DCLK2: variants seen among roughly 807,000 people sequenced by gnomAD.
The protein encoded by DCLK2 is serine/threonine-protein kinase DCLK2.
DCLK2 carries 31 observed loss-of-function variants against 78.4 expected under a neutral mutation model. The ratio of observed to expected loss-of-function variants is 0.40; its 90% CI spans 0.30 to 0.53. The LOEUF (loss-of-function observed/expected upper bound fraction) is 0.53, where lower values mean the gene tolerates loss of function less well. Among genes scored for constraint, DCLK2 ranks in the 20% least tolerant of loss-of-function variants. The probability of loss-of-function intolerance (pLI) is 0.61; values close to 1 mark genes in which losing one functional copy is unlikely to be tolerated. For synonymous variants in DCLK2, 407 were observed against 374.9 expected (o/e 1.09, Z -0.99); for missense variants, 872 against 973.7 (o/e 0.90, Z 1.39).
At chr4:150,195,293 ATATATTATATAT>A (rs1199797842) in intron 3 of DCLK2, among the ~76,000 whole-genome samples, 100 of 6,002 alleles carry the variant, frequency 0.017, 35 homozygotes, top group Non-Finnish European at 0.038. Context: ...ATATTATATT[ATATATTATATAT>A]TATATTATAT....
intron 2 of DCLK2, among the ~76,000 whole-genome samples, chr4:150,112,033 G>A (rs530296155): frequency 1.5e-4 from 23 of 151,912 alleles, no homozygotes; most frequent in South Asian, 4.2e-4. Flanking sequence ...TAAAAATAGC[G>A]TTGAATTTGT....
At chr4:150,143,345 A>G (rs1046847866) in intron 2 of DCLK2, among the ~76,000 whole-genome samples, 7 of 152,186 alleles carry the variant, frequency 4.6e-5, no homozygotes, top group South Asian at 2.1e-4. Flanking sequence ...CAGTGCTTCA[A>G]TAAACATCTA....
intron 2 of DCLK2, among the ~76,000 whole-genome samples, chr4:150,138,640 T>C (rs1431544768): frequency 6.6e-6 from 1 of 151,980 alleles, no homozygotes; most frequent in Non-Finnish European, 1.5e-5. Context: ...CATTTAAGCC[T>C]CATAACCACC....
intron 1 of DCLK2, among the ~76,000 whole-genome samples, chr4:150,095,952 A>G (rs998324413): frequency 6.6e-5 from 10 of 152,218 alleles, no homozygotes; most frequent in African/African-American, 2.4e-4. Context: ...CCTGCAGGGA[A>G]GTGGTGGGAA....
chr4:150,094,385 G>A (rs901855959), intron 1 of DCLK2, among the ~76,000 whole-genome samples: 2 of 152,192 alleles, frequency 1.3e-5, no homozygotes, highest in African/African-American at 4.8e-5. Flanking sequence ...AAAAGAGTAT[G>A]TAAATACATA....
chr4:150,101,955 G>A (rs1374382186), intron 1 of DCLK2, among the ~76,000 whole-genome samples: 1 of 152,140 alleles, frequency 6.6e-6, no homozygotes, highest in East Asian at 1.9e-4. Flanking sequence ...AAGTGACCTT[G>A]TACCTGAGTA....
intron 1 of DCLK2, among the ~76,000 whole-genome samples, chr4:150,083,780 G>A (rs1039794446): frequency 2.0e-5 from 3 of 152,138 alleles, no homozygotes; most frequent in Admixed American, 1.3e-4. Context: ...GCTGCAAAAC[G>A]TTCTTTACCT....
intron 3 of DCLK2, among the ~76,000 whole-genome samples, chr4:150,196,391 A>G (rs1439740495): frequency 6.6e-6 from 1 of 152,342 alleles, no homozygotes; most frequent in African/African-American, 2.4e-5. Flanking sequence ...AACATCCACA[A>G]TGCTAATTAA....
intron 2 of DCLK2, among the ~76,000 whole-genome samples, chr4:150,184,689 C>T (rs1737783547): frequency 6.6e-6 from 1 of 150,976 alleles, no homozygotes; most frequent in South Asian, 2.1e-4. Context: ...GCAAGCTCGA[C>T]CTCCTGGGTT....
chr4:150,199,619 G>C (rs1739316282), intron 4 of DCLK2, among the ~76,000 whole-genome samples: 1 of 152,166 alleles, frequency 6.6e-6, no homozygotes, highest in South Asian at 2.1e-4. Context: ...TAGAGTTATA[G>C]ACTCAACCTG....
intron 10 of DCLK2, among the ~76,000 whole-genome samples, chr4:150,233,922 C>T (rs114342986): frequency 0.015 from 2,282 of 152,256 alleles, 60 homozygotes; most frequent in African/African-American, 0.052. Flanking sequence ...GGGGATTTGA[C>T]ATTTACACTC....
rs577652542 is a variant in DCLK2 at position 150,111,534 on chromosome 4, A to C, written c.756+8722A>C. Among the ~76,000 whole-genome samples, 7 of 151,886 alleles carry C rather than the reference A, an allele frequency of 4.6e-5. No individual in the cohort carries two copies. In the South Asian group the frequency reaches 1.5e-3, roughly 32 times the overall value. On this transcript the variant is annotated intron_variant, in intron 2 of 15. Coordinates refer to ENST00000296550, the MANE Select transcript of DCLK2 (RefSeq NM_001040260.4). ...TGTTTGCATTTGCTTTTGGGGTCTT[A>C]GTCACAATTTCTTTACCTAGGCCAA...
chr4:150,087,053 T>G (rs1209435168), intron 1 of DCLK2, among the ~76,000 whole-genome samples: 5 of 152,244 alleles, frequency 3.3e-5, no homozygotes, highest in Admixed American at 1.3e-4. Context: ...GAATATTCTT[T>G]TATTCCTTAA....
At chr4:150,148,894 G>A (rs866088956) in intron 2 of DCLK2, among the ~76,000 whole-genome samples, 7 of 152,026 alleles carry the variant, frequency 4.6e-5, no homozygotes, top group South Asian at 2.1e-4. Flanking sequence ...TTAGCCAGGC[G>A]TGGTGGTGCA....
intron 4 of DCLK2, among the ~76,000 whole-genome samples, chr4:150,201,669 C>T (rs1210582010): frequency 6.6e-6 from 1 of 152,138 alleles, no homozygotes; most frequent in Non-Finnish European, 1.5e-5. Flanking sequence ...TTTTCTCCTT[C>T]AGTCCCTTTC....
chr4:150,245,233 A>AAATCACT (rs1743214516), intron 12 of DCLK2, among the ~76,000 whole-genome samples: 1 of 152,194 alleles, frequency 6.6e-6, no homozygotes, highest in Admixed American at 6.5e-5. Flanking sequence ...CATTCACAGG[A>AAATCACT]AATCACTCTT....
intron 2 of DCLK2, among the ~76,000 whole-genome samples, chr4:150,136,413 G>A (rs1380719589): frequency 1.3e-5 from 2 of 152,160 alleles, no homozygotes; most frequent in Non-Finnish European, 2.9e-5. Flanking sequence ...TGAAGTACCT[G>A]GGATGGAGAA....
intron 5 of DCLK2, among the ~76,000 whole-genome samples, chr4:150,219,136 G>A (rs1203843531): frequency 2.0e-5 from 3 of 152,004 alleles, no homozygotes; most frequent in East Asian, 1.9e-4. Flanking sequence ...CCTGGGAGGT[G>A]GAGATTGCAG....
intron 5 of DCLK2, among the ~76,000 whole-genome samples, chr4:150,204,811 G>C (rs1278571206): frequency 6.6e-6 from 1 of 151,864 alleles, no homozygotes; most frequent in Non-Finnish European, 1.5e-5. Flanking sequence ...AGAATCACTT[G>C]CACCCAGGAG....
Sources: allele counts gnomAD v4.1 joint callset (sites outside exome capture counted in the v4.1 genomes callset), GRCh38; gene constraint gnomAD v4.1.1; transcripts MANE v1.5; gene names NCBI Gene and HGNC (gene_info 2026-07-23, HGNC 2026-07-21).